WWOX: variants seen among roughly 807,000 people sequenced by gnomAD.
WWOX encodes WW domain containing oxidoreductase.
Under a neutral mutation model 46.2 loss-of-function variants are expected in WWOX, and 69 were observed. The observed-to-expected ratio is 1.49, with a 90% CI of 1.23 to 1.82. The LOEUF (loss-of-function observed/expected upper bound fraction) is 1.82. Among genes scored for constraint, WWOX ranks in the 40% most tolerant of loss-of-function variants. WWOX has a pLI of 0.00. For synonymous variants in WWOX, 359 were observed against 202.6 expected (o/e 1.77, Z -6.56); for missense variants, 919 against 542.6 (o/e 1.69, Z -6.89).
chr16:78,753,819 AAAAAAAATATATATAT>A (rs1318744670), intron 8 of WWOX, among the ~76,000 whole-genome samples: 3 of 68,422 alleles, frequency 4.4e-5, no homozygotes, highest in African/African-American at 1.5e-4. Flanking sequence ...AAAAAAAAAA[AAAAAAAATATATATAT>A]ATATATATAT....
chr16:79,119,835 C>G (rs775350698), intron 8 of WWOX, among the ~76,000 whole-genome samples: 4 of 152,096 alleles, frequency 2.6e-5, no homozygotes, highest in Non-Finnish European at 5.9e-5. Context: ...GAGAAGAGAC[C>G]CAGAGCCAGC....
chr16:78,676,405 T>A (rs1289308008), intron 8 of WWOX, among the ~76,000 whole-genome samples: 3 of 106,626 alleles, frequency 2.8e-5, no homozygotes, highest in African/African-American at 1.9e-4. Context: ...TATTTACTAT[T>A]TTTTTTTTTT....
At chr16:78,455,413 G>A (rs759251827) in intron 8 of WWOX, among the ~76,000 whole-genome samples, 1 of 151,996 alleles carries the variant, frequency 6.6e-6, no homozygotes, top group Admixed American at 6.6e-5. Flanking sequence ...GGCCAAGGTG[G>A]ACGGATCACC....
intron 8 of WWOX, among the ~76,000 whole-genome samples, chr16:79,080,866 G>A (rs925407120): frequency 2.6e-5 from 4 of 152,136 alleles, no homozygotes; most frequent in African/African-American, 9.7e-5. Flanking sequence ...AAGGCATTTT[G>A]TATATTTGGC....
intron 8 of WWOX, among the ~76,000 whole-genome samples, chr16:79,053,892 T>C (rs2247561): frequency 0.096 from 14,611 of 152,118 alleles, 1,172 homozygotes; most frequent in African/African-American, 0.21. Context: ...AGCTTTATAG[T>C]ACCCCAGCCA....
At chr16:78,671,162 C>G (rs964780615) in intron 8 of WWOX, among the ~76,000 whole-genome samples, 1 of 152,220 alleles carries the variant, frequency 6.6e-6, no homozygotes, top group African/African-American at 2.4e-5. Flanking sequence ...GTGGCTCATG[C>G]CTGTAATCCC....
rs1250390668 is a variant in WWOX, at chr16:78,151,223, C to T, written c.410-12960C>T. Among the ~76,000 whole-genome samples the T allele has an allele frequency of 2.0e-5, 3 of 151,954 alleles. No individual in the cohort carries two copies. The East Asian group carries it at 5.8e-4, about 29-fold the overall frequency. On this transcript the variant is annotated intron_variant, in intron 4 of 8. Transcript: ENST00000566780. Reference sequence around the variant, plus strand: ...TCTGTGCCAGGAACCTGGATGAAGACCCAGTATGTATTTCTTATTATATCA... The same window carrying T: ...TCTGTGCCAGGAACCTGGATGAAGATCCAGTATGTATTTCTTATTATATCA...
chr16:78,811,908 G>T (rs1205862400), intron 8 of WWOX, among the ~76,000 whole-genome samples: 2 of 152,146 alleles, frequency 1.3e-5, no homozygotes, highest in Non-Finnish European at 2.9e-5. Context: ...AGCATAATAA[G>T]ATATACCTGT....
intron 8 of WWOX, among the ~76,000 whole-genome samples, chr16:79,115,967 C>T (rs149197892): frequency 5.3e-5 from 8 of 152,152 alleles, no homozygotes; most frequent in African/African-American, 1.9e-4. Flanking sequence ...GCAAATATCT[C>T]AATAAGGCAA....
chr16:78,538,656 C>G (rs531184653), intron 8 of WWOX, among the ~76,000 whole-genome samples: 3 of 152,122 alleles, frequency 2.0e-5, no homozygotes, highest in African/African-American at 7.2e-5. Flanking sequence ...TGTTTGACAT[C>G]GAGATAGAAT....
At chr16:78,849,805 GCTCATGCCTGTAAT>G (rs1193114330) in intron 8 of WWOX, among the ~76,000 whole-genome samples, 3 of 152,048 alleles carry the variant, frequency 2.0e-5, no homozygotes, top group Non-Finnish European at 4.4e-5. Flanking sequence ...GGGCGTGGTG[GCTCATGCCTGTAAT>G]CCCAGCACTT....
chr16:79,067,166 G>A (rs1173555330), intron 8 of WWOX, among the ~76,000 whole-genome samples: 2 of 152,174 alleles, frequency 1.3e-5, no homozygotes, highest in African/African-American at 4.8e-5. Flanking sequence ...TCATAGGGCC[G>A]GCCATCCCCT....
At chr16:78,955,749 G>A (rs930581106) in intron 8 of WWOX, among the ~76,000 whole-genome samples, 1 of 151,706 alleles carries the variant, frequency 6.6e-6, no homozygotes, top group Non-Finnish European at 1.5e-5. Flanking sequence ...CTAAACTCAA[G>A]CAGTTCTCCT....
intron 8 of WWOX, among the ~76,000 whole-genome samples, chr16:78,520,548 C>A (rs947313744): frequency 2.6e-5 from 4 of 151,930 alleles, no homozygotes; most frequent in African/African-American, 9.7e-5. Context: ...GTCTTGGATG[C>A]TCAGCACAGA....
chr16:79,064,293 A>G (rs929085277), intron 8 of WWOX, among the ~76,000 whole-genome samples: 71 of 152,372 alleles, frequency 4.7e-4, no homozygotes, highest in African/African-American at 1.5e-3. Flanking sequence ...AACCTGGTTG[A>G]GAATTTAAGA....
chr16:79,040,110 G>T (rs183486068), intron 8 of WWOX, among the ~76,000 whole-genome samples: 31 of 152,220 alleles, frequency 2.0e-4, no homozygotes, highest in African/African-American at 7.5e-4. Context: ...ATAGGTTGCT[G>T]TGAAGATTGG....
chr16:78,362,462 T>C (rs776148116), intron 5 of WWOX, among the ~76,000 whole-genome samples: 2 of 151,798 alleles, frequency 1.3e-5, no homozygotes, highest in Non-Finnish European at 2.9e-5. Flanking sequence ...ATACAAAAAT[T>C]AACAGGCGTG....
At chr16:78,592,991 A>C (rs1055841291) in intron 8 of WWOX, among the ~76,000 whole-genome samples, 1 of 152,172 alleles carries the variant, frequency 6.6e-6, no homozygotes, top group Non-Finnish European at 1.5e-5. Flanking sequence ...TAGTTGCTTG[A>C]GCACAGATAG....
rs368154249 is a variant in WWOX at position 78,366,858 on chromosome 16, C to G, written c.517-20002C>G. Among the ~76,000 whole-genome samples the G allele has an allele frequency of 6.7e-4, 102 of 151,430 alleles. No individual in the cohort carries two copies. In the Middle Eastern group the frequency reaches 0.017, roughly 26 times the overall value. On this transcript the variant is annotated intron_variant, in intron 5 of 8. Coordinates refer to ENST00000566780, the MANE Select transcript of WWOX (RefSeq NM_016373.4). ...TCTTTCTACACATATAGAAACTGTT[C>G]CTATCATACGTGACTCAGTTTTCAA...
Sources: gnomAD v4.1 joint callset for allele counts (sites outside exome capture counted in the v4.1 genomes callset) on GRCh38, gnomAD v4.1.1 for gene constraint, MANE v1.5 for transcripts, NCBI Gene and HGNC (gene_info 2026-07-23, HGNC 2026-07-21) for gene names.